Variants in HTR4 observed in about 807,000 individuals in gnomAD.
HTR4 encodes the protein 5-hydroxytryptamine receptor 4, also known as 5-hydroxytryptamine (serotonin) receptor 4, G protein-coupled.
A neutral mutation model predicts 36.8 loss-of-function variants in HTR4; 16 were observed. The ratio of observed to expected loss-of-function variants is 0.43; its 90% CI spans 0.29 to 0.66. HTR4 has a LOEUF of 0.66. Among genes scored for constraint, HTR4 ranks in the 30% least tolerant of loss-of-function variants. The probability of loss-of-function intolerance (pLI) is 0.13; values close to 1 mark genes in which losing one functional copy is unlikely to be tolerated. For missense variants in HTR4, 438 were observed against 490.9 expected, an observed-to-expected ratio of 0.89 and a Z score of 1.02; for synonymous variants, 189 against 185.1, an observed-to-expected ratio of 1.02 and a Z score of -0.17.
intron 5 of HTR4, among the ~76,000 whole-genome samples, chr5:148,515,055 A>G (rs948994164): frequency 1.3e-5 from 2 of 152,096 alleles, no homozygotes; most frequent in African/African-American, 4.8e-5. Context: ...ACATTTGTCT[A>G]TAATCTTACT....
chr5:148,619,764 T>A (rs190233802), intron 2 of HTR4, among the ~76,000 whole-genome samples: 65 of 152,128 alleles, frequency 4.3e-4, no homozygotes, highest in African/African-American at 7.2e-4. Context: ...GATAAAAAAA[T>A]TTTTAAAAAA....
At chr5:148,643,106 C>A (rs181737444) in intron 1 of HTR4, among the ~76,000 whole-genome samples, 60 of 152,252 alleles carry the variant, frequency 3.9e-4, no homozygotes, top group African/African-American at 1.3e-3. Context: ...ATATCCAATA[C>A]GGACGCCAAT....
chr5:148,560,460 T>C (rs1042738498), intron 2 of HTR4, among the ~76,000 whole-genome samples: 1 of 152,198 alleles, frequency 6.6e-6, no homozygotes, highest in Non-Finnish European at 1.5e-5. Context: ...CTTGGGACCA[T>C]ACTTTGAGGA....
rs553180724 is a variant in HTR4 at position 148,554,239 on chromosome 5, C to T, written c.27-3977G>A. ...TACAGGAATATGCCACCATGCCTGG[C>T]TAATTTTGTATTTTTAGTAGAGACG... On this transcript the variant is annotated intron_variant, in intron 2 of 6. Transcript: ENST00000377888. 8.5e-4 allele frequency among the ~76,000 whole-genome samples: 130 copies of T among 152,202 alleles called. 1 individual carries two copies. The highest frequency in any genetic ancestry group is 3.1e-3 in the African/African-American group (127 of 41,528).
At chr5:148,451,220 G>T (rs763453342) in exon 6 of HTR4, 1 of 1,613,920 alleles carries the variant, frequency 6.2e-7, no homozygotes, top group Non-Finnish European at 8.5e-7. Context: ...GGGTCATTGT[G>T]TATGGGCAGT....
At position 148,615,707 on chromosome 5, in the gene HTR4, A is replaced by ATAAAAT. The variant is rs773040493; in HGVS notation, c.26+21281_26+21282insATTTTA. ...ATTAAAAAAATAAAGAAAGAAAGAA[A>ATAAAAT]GAAATAAAATAAAATAAAATAAAAT... is the stretch of plus-strand genomic sequence containing the variant. On this transcript the variant is annotated intron_variant, in intron 2 of 6. Coordinates refer to ENST00000377888, the MANE Select transcript of HTR4 (RefSeq NM_000870.7). Among the ~76,000 whole-genome samples the ATAAAAT allele has an allele frequency of 9.4e-3, 1,102 of 117,230 alleles. 15 individuals are homozygous for ATAAAAT. The highest frequency in any genetic ancestry group is 0.053 in the South Asian group (187 of 3,528). 76.9% of individuals were successfully genotyped at this position (117,230 alleles called of 152,430 possible).
At chr5:148,560,284 C>A (rs1470701211) in intron 2 of HTR4, among the ~76,000 whole-genome samples, 1 of 150,078 alleles carries the variant, frequency 6.7e-6, no homozygotes, top group Admixed American at 6.7e-5. Context: ...AGCATCAGAG[C>A]AGTGGTGCTT....
chr5:148,474,951 C>T (rs966422694), downstream of HTR4, among the ~76,000 whole-genome samples: 13 of 151,904 alleles, frequency 8.6e-5, no homozygotes, highest in East Asian at 9.7e-4. Context: ...GAGGCTGAGG[C>T]GGAGAATTGC....
chr5:148,616,817 C>T (rs1255458450), intron 2 of HTR4, among the ~76,000 whole-genome samples: 1 of 152,092 alleles, frequency 6.6e-6, no homozygotes, highest in African/African-American at 2.4e-5. Flanking sequence ...ACCTTATAAA[C>T]TCCACAATAG....
intron 6 of HTR4, among the ~76,000 whole-genome samples, chr5:148,489,775 A>G (rs1207825414): frequency 6.6e-6 from 1 of 152,112 alleles, no homozygotes; most frequent in Non-Finnish European, 1.5e-5. Flanking sequence ...GAGCTGGAAC[A>G]CCAGATTGGA....
chr5:148,487,011 C>T (rs1312450563), intron 6 of HTR4, among the ~76,000 whole-genome samples: 1 of 152,172 alleles, frequency 6.6e-6, no homozygotes, highest in African/African-American at 2.4e-5. Context: ...GAATCTTTCT[C>T]CAATATTTTA....
intron 4 of HTR4, among the ~76,000 whole-genome samples, chr5:148,539,638 C>G (rs560095652): frequency 1.3e-5 from 2 of 152,220 alleles, no homozygotes; most frequent in Non-Finnish European, 2.9e-5. Flanking sequence ...TATCACTGAT[C>G]GTTAAAGAAA....
intron 6 of HTR4, among the ~76,000 whole-genome samples, chr5:148,498,071 G>A (rs1435062236): frequency 1.3e-5 from 2 of 152,068 alleles, no homozygotes; most frequent in Non-Finnish European, 2.9e-5. Flanking sequence ...TACAATTTTA[G>A]CAATCAAAAC....
chr5:148,631,554 GA>G (rs1347002479), intron 2 of HTR4, among the ~76,000 whole-genome samples: 1 of 152,108 alleles, frequency 6.6e-6, no homozygotes, highest in African/African-American at 2.4e-5. Context: ...CAAGGCTTTA[GA>G]ATATTCAGCA....
Position 148,605,236 on chromosome 5 carries a change from ATTTTC to A in HTR4, c.26+31748_26+31752del, listed in dbSNP as rs201602614. Among the ~76,000 whole-genome samples the A allele has an allele frequency of 8.9e-3, 1,164 of 130,330 alleles. 46 individuals are homozygous for A. The highest frequency in any genetic ancestry group is 0.013 in the Middle Eastern group (3 of 228). 85.5% of individuals were successfully genotyped at this position (130,330 alleles called of 152,430 possible). A position where few individuals can be genotyped will look rare whatever the true frequency, so the allele number is the denominator to read the frequency against. On this transcript the variant is annotated intron_variant, in intron 2 of 6. Transcript: ENST00000377888. ...TTCTTTCTATGTTACCACAGATTGC[ATTTTC>A]TTTTCTTTTCTTTTCTTTTTTTTTT...
intron 5 of HTR4, among the ~76,000 whole-genome samples, chr5:148,522,192 T>C (rs1046629869): frequency 6.6e-6 from 1 of 152,194 alleles, no homozygotes; most frequent in Admixed American, 6.5e-5. Context: ...TCCCCAGGCA[T>C]GTGGAACTGT....
chr5:148,650,417 G>T (rs112195688), intron 1 of HTR4, among the ~76,000 whole-genome samples: 1 of 152,174 alleles, frequency 6.6e-6, no homozygotes, highest in Non-Finnish European at 1.5e-5. Flanking sequence ...CTTAAGGCTA[G>T]CCCTATGAAT....
intron 4 of HTR4, among the ~76,000 whole-genome samples, chr5:148,525,954 C>T (rs1342579273): frequency 1.3e-5 from 2 of 152,130 alleles, no homozygotes; most frequent in East Asian, 1.9e-4. Flanking sequence ...ATGCACAGTA[C>T]GAAGGTGGCC....
intron 6 of HTR4, among the ~76,000 whole-genome samples, chr5:148,484,794 C>T (rs1016692921): frequency 2.0e-5 from 3 of 152,156 alleles, no homozygotes; most frequent in African/African-American, 7.2e-5. Flanking sequence ...TTTGTTCATC[C>T]TTGATTCATC....
Sources: allele counts gnomAD v4.1 joint callset (sites outside exome capture counted in the v4.1 genomes callset), GRCh38; gene constraint gnomAD v4.1.1; transcripts MANE v1.5; gene names NCBI Gene and HGNC (gene_info 2026-07-23, HGNC 2026-07-21).